The following NRG3 variants were observed in gnomAD, a reference collection of about 807,000 sequenced individuals.
The protein encoded by NRG3 is neuregulin 3.
A neutral mutation model predicts 66.9 loss-of-function variants in NRG3; 31 were observed. That is an observed-to-expected ratio of 0.46 (90% confidence interval 0.35 to 0.63). The LOEUF (loss-of-function observed/expected upper bound fraction) is 0.63. Ranked by LOEUF, NRG3 falls within the 20% of genes least tolerant of loss-of-function variation. The probability of loss-of-function intolerance (pLI) is 0.00; values close to 1 mark genes in which losing one functional copy is unlikely to be tolerated. For missense variants in NRG3, 910 were observed against 878.9 expected (o/e 1.04, Z -0.45); for synonymous variants, 393 against 359.4 (o/e 1.09, Z -1.06).
At chr10:82,675,697 G>A (rs1182048346) in intron 2 of NRG3, among the ~76,000 whole-genome samples, 1 of 152,184 alleles carries the variant, frequency 6.6e-6, no homozygotes, top group Non-Finnish European at 1.5e-5. Context: ...TGCCTCCCAA[G>A]GCTAGCTTGG....
chr10:82,078,016 G>A (rs1426388443), intron 1 of NRG3, among the ~76,000 whole-genome samples: 2 of 151,914 alleles, frequency 1.3e-5, no homozygotes, highest in Non-Finnish European at 2.9e-5. Context: ...TGGGCCCTTG[G>A]GACAAGGCAT....
At chr10:82,523,829 G>T (rs1211776424) in intron 2 of NRG3, among the ~76,000 whole-genome samples, 1 of 151,962 alleles carries the variant, frequency 6.6e-6, no homozygotes, top group East Asian at 1.9e-4. Context: ...GGACTTTTTG[G>T]CTCCAAGTGT....
At chr10:81,877,983 C>A in intron 1 of NRG3, 1 of 1,537,606 alleles carries the variant, frequency 6.5e-7, no homozygotes, top group Non-Finnish European at 8.7e-7. Context: ...ATACCTCCAA[C>A]CCTTGTATGC....
chr10:81,894,666 T>C (rs1843355319), intron 1 of NRG3, among the ~76,000 whole-genome samples: 2 of 152,206 alleles, frequency 1.3e-5, no homozygotes, highest in South Asian at 4.1e-4. Flanking sequence ...AGGTCTTAAA[T>C]TGTGCCTCTC....
At chr10:81,906,133 G>T (rs1359686331) in intron 1 of NRG3, among the ~76,000 whole-genome samples, 1 of 152,042 alleles carries the variant, frequency 6.6e-6, no homozygotes, top group South Asian at 2.1e-4. Context: ...CAATTAACAC[G>T]TAACTGGGTG....
chr10:82,254,656 C>T (rs2077630721), intron 1 of NRG3, among the ~76,000 whole-genome samples: 1 of 148,602 alleles, frequency 6.7e-6, no homozygotes, highest in African/African-American at 2.5e-5. Flanking sequence ...AAAACAAATA[C>T]ACACACACAC....
chr10:81,980,334 C>T (rs1266012434), intron 1 of NRG3, among the ~76,000 whole-genome samples: 1 of 151,942 alleles, frequency 6.6e-6, no homozygotes, highest in East Asian at 1.9e-4. Flanking sequence ...TAGAAACAGT[C>T]GTCTTGTCAG....
At chr10:82,312,234 G>A (rs1167823540) in intron 1 of NRG3, among the ~76,000 whole-genome samples, 1 of 152,180 alleles carries the variant, frequency 6.6e-6, no homozygotes, top group Non-Finnish European at 1.5e-5. Flanking sequence ...AAGAATTAGA[G>A]GGAAGGCTTG....
chr10:82,322,788 T>C (rs1395504933), intron 1 of NRG3, among the ~76,000 whole-genome samples: 2 of 152,214 alleles, frequency 1.3e-5, no homozygotes, highest in African/African-American at 4.8e-5. Flanking sequence ...AAGAGTAGTG[T>C]TGATTGTATT....
At chr10:82,914,357 T>C (rs1296116449) in intron 4 of NRG3, among the ~76,000 whole-genome samples, 1 of 152,200 alleles carries the variant, frequency 6.6e-6, no homozygotes, top group Non-Finnish European at 1.5e-5. Flanking sequence ...ACCTTGTAGT[T>C]TTCTTGTGAA....
chr10:82,123,761 T>C (rs1200668775), intron 1 of NRG3, among the ~76,000 whole-genome samples: 1 of 152,190 alleles, frequency 6.6e-6, no homozygotes, highest in Non-Finnish European at 1.5e-5. Flanking sequence ...GAATGTTGGC[T>C]GAACAGTGGA....
chr10:82,280,927 G>A (rs1056081018), intron 1 of NRG3, among the ~76,000 whole-genome samples: 2 of 152,220 alleles, frequency 1.3e-5, no homozygotes, highest in East Asian at 3.9e-4. Context: ...CTTTCTGCGG[G>A]GGGATGTGGG....
intron 4 of NRG3, among the ~76,000 whole-genome samples, chr10:82,931,187 G>T (rs191871841): frequency 6.6e-6 from 1 of 152,104 alleles, no homozygotes. Context: ...AGCCATGCCC[G>T]ATCCAATTTC....
At chr10:82,402,428 G>T (rs2087171437) in intron 2 of NRG3, among the ~76,000 whole-genome samples, 1 of 152,078 alleles carries the variant, frequency 6.6e-6, no homozygotes, top group South Asian at 2.1e-4. Flanking sequence ...TCTAACCAAA[G>T]AAGTTGTTTT....
chr10:82,148,797 G>T (rs530575217), intron 1 of NRG3, among the ~76,000 whole-genome samples: 4 of 152,040 alleles, frequency 2.6e-5, no homozygotes, highest in South Asian at 4.2e-4. Context: ...TTTTTCTCCT[G>T]GCTGAACAAC....
At chr10:82,414,918 A>G (rs1354651570) in intron 2 of NRG3, among the ~76,000 whole-genome samples, 1 of 152,176 alleles carries the variant, frequency 6.6e-6, no homozygotes, top group African/African-American at 2.4e-5. Context: ...TTTGCTCTTA[A>G]GGCCTTCAAC....
chr10:82,910,011 G>A (rs1845170516), intron 4 of NRG3, among the ~76,000 whole-genome samples: 1 of 152,210 alleles, frequency 6.6e-6, no homozygotes, highest in African/African-American at 2.4e-5. Flanking sequence ...AGCGAAAACT[G>A]AAGGTCTTGA....
intron 1 of NRG3, among the ~76,000 whole-genome samples, chr10:82,331,868 T>C (rs939932147): frequency 6.6e-6 from 1 of 152,182 alleles, no homozygotes; most frequent in African/African-American, 2.4e-5. Flanking sequence ...CATTTGGAAA[T>C]TATAATGTTT....
intron 1 of NRG3, among the ~76,000 whole-genome samples, chr10:81,990,069 G>A (rs950191914): frequency 1.1e-4 from 16 of 152,268 alleles, no homozygotes; most frequent in Admixed American, 5.2e-4. Flanking sequence ...AAAGAGGAAT[G>A]TTTGGATGGT....
Sources: allele counts gnomAD v4.1 joint callset (sites outside exome capture counted in the v4.1 genomes callset), GRCh38; gene constraint gnomAD v4.1.1; transcripts MANE v1.5; gene names NCBI Gene and HGNC (gene_info 2026-07-23, HGNC 2026-07-21).